IPMK: variants seen among roughly 807,000 people sequenced by gnomAD.
The protein encoded by IPMK is inositol 1,3,4,6-tetrakisphosphate 5-kinase.
IPMK carries 17 observed loss-of-function variants against 45.8 expected under a neutral mutation model. That is an observed-to-expected ratio of 0.37 (90% CI 0.25 to 0.56). IPMK has a LOEUF of 0.56. Ranked by LOEUF, IPMK falls within the 20% of genes least tolerant of loss-of-function variation. The pLI, the probability that IPMK is intolerant of heterozygous loss-of-function variation, is 0.79. For missense variants in IPMK, 399 were observed against 498.0 expected (o/e 0.80, Z 1.89); for synonymous variants, 180 against 184.3 (o/e 0.98, Z 0.19).
intron 1 of IPMK, among the ~76,000 whole-genome samples, chr10:58,243,487 G>A (rs1289484258): frequency 3.3e-5 from 5 of 152,076 alleles, no homozygotes; most frequent in East Asian, 1.9e-4. Context: ...CTCCTGCCTC[G>A]GCCTGCCGAG....
At chr10:58,228,569 T>C (rs1838456738) in intron 2 of IPMK, among the ~76,000 whole-genome samples, 1 of 152,250 alleles carries the variant, frequency 6.6e-6, no homozygotes, top group Non-Finnish European at 1.5e-5. Context: ...AGTCTCGCTC[T>C]GTCACCTACA....
intron 1 of IPMK, among the ~76,000 whole-genome samples, chr10:58,248,316 G>C (rs1032679219): frequency 6.6e-6 from 1 of 152,002 alleles, no homozygotes; most frequent in South Asian, 2.1e-4. Context: ...ATGGCAAACT[G>C]TGTTTTTTAA....
intron 2 of IPMK, among the ~76,000 whole-genome samples, chr10:58,227,839 TG>T (rs1410593996): frequency 6.6e-6 from 1 of 152,090 alleles, no homozygotes; most frequent in African/African-American, 2.4e-5. Context: ...CAAAATGGCA[TG>T]TAAGACATGT....
Position 58,192,632 on chromosome 10 carries a change from A to T in IPMK, c.*3444T>A, listed in dbSNP as rs1298119983. On this transcript the variant is annotated 3_prime_UTR_variant, in exon 6 of 6. Coordinates refer to ENST00000373935, the MANE Select transcript of IPMK (RefSeq NM_152230.5). ...GAATGCTGAAAATGGTTAGGGCCTTATCCGTTTGGTTCACAGTTGTAATAC... is the reference window on the plus strand; with the variant it reads ...GAATGCTGAAAATGGTTAGGGCCTTTTCCGTTTGGTTCACAGTTGTAATAC... The T allele has an allele frequency of 1.3e-5, 2 of 152,004 alleles. No homozygotes were observed. Among genetic ancestry groups the T allele is most frequent in the Non-Finnish European group, 2.9e-5 (2 of 67,902 alleles). The allele number at this position is 152,004 out of a possible 1,614,324, so 9.4% of individuals were successfully genotyped here.
chr10:58,251,493 G>A (rs1245156986), intron 1 of IPMK, among the ~76,000 whole-genome samples: 1 of 151,698 alleles, frequency 6.6e-6, no homozygotes, highest in Admixed American at 6.6e-5. Flanking sequence ...ATGTCTGTTG[G>A]GTCCATTTGG....
intron 3 of IPMK, among the ~76,000 whole-genome samples, chr10:58,220,701 C>T (rs1222580864): frequency 6.6e-6 from 1 of 152,130 alleles, no homozygotes; most frequent in Admixed American, 6.5e-5. Flanking sequence ...TCATACATTC[C>T]ATATATAATT....
chr10:58,195,701 A>C lies in IPMK; in HGVS notation c.*375T>G. ...TTGGTAGGTGTTCTAATAATGTAAT[A>C]TTTTAGATATGGCTCATTGTCAAGG... On this transcript the variant is annotated 3_prime_UTR_variant, in exon 6 of 6. Coordinates refer to ENST00000373935, the MANE Select transcript of IPMK (RefSeq NM_152230.5). The C allele has an allele frequency of 5.6e-6, 1 of 177,706 alleles. No homozygotes were observed. Among genetic ancestry groups the C allele is most frequent in the East Asian group, 1.6e-4 (1 of 6,296 alleles). 11.0% of individuals were successfully genotyped at this position (177,706 alleles called of 1,614,324 possible). A position where few individuals can be genotyped will look rare whatever the true frequency, so the allele number is the denominator to read the frequency against.
At chr10:58,266,059 C>T (rs1192902219) in intron 1 of IPMK, among the ~76,000 whole-genome samples, 1 of 152,148 alleles carries the variant, frequency 6.6e-6, no homozygotes, top group Non-Finnish European at 1.5e-5. Flanking sequence ...ATTCTCATTA[C>T]AAGACACTGG....
Position 58,196,575 on chromosome 10 carries a change from C to T in IPMK, c.752G>A (p.Ser251Asn), listed in dbSNP as rs1837898103. The T allele has an allele frequency of 6.2e-7, 1 of 1,613,950 alleles. No homozygotes were observed. Among genetic ancestry groups the T allele is most frequent in the African/African-American group, 1.3e-5 (1 of 74,916 alleles). Reference sequence around the variant, plus strand: ...ACCTTCATAAACAAAGAGTAATGAACTTGCGTAAAAATTAAGCTGCTTCTG... The same window carrying T: ...ACCTTCATAAACAAAGAGTAATGAATTTGCGTAAAAATTAAGCTGCTTCTG... Reference protein sequence around the residue: ...ENQKQLNFYASSLLFVYEGSS... With the variant: ...ENQKQLNFYANSLLFVYEGSS... The change falls in exon 6 of 6, where the codon AGT becomes AAT. Residue 251 changes from serine (S) to asparagine (N), a missense_variant. Transcript: ENST00000373935.
At chr10:58,217,018 T>C (rs1334410651) in intron 3 of IPMK, among the ~76,000 whole-genome samples, 1 of 152,072 alleles carries the variant, frequency 6.6e-6, no homozygotes, top group African/African-American at 2.4e-5. Flanking sequence ...CTGGCTAATT[T>C]TTATATTTTT....
intron 4 of IPMK, among the ~76,000 whole-genome samples, chr10:58,207,506 A>G (rs1838088296): frequency 6.6e-6 from 1 of 152,238 alleles, no homozygotes; most frequent in African/African-American, 2.4e-5. Flanking sequence ...CATTCCCACC[A>G]GCAGTGTAAA....
chr10:58,266,518 A>T (rs887828563), intron 1 of IPMK, among the ~76,000 whole-genome samples: 2 of 152,174 alleles, frequency 1.3e-5, no homozygotes, highest in African/African-American at 4.8e-5. Flanking sequence ...TGTCAGTATT[A>T]GCAACCTAAA....
intron 1 of IPMK, among the ~76,000 whole-genome samples, chr10:58,255,953 A>T (rs1838961285): frequency 1.3e-5 from 2 of 152,162 alleles, no homozygotes; most frequent in Admixed American, 6.5e-5. Flanking sequence ...TCCCCAATCA[A>T]TATTCTTATA....
At chr10:58,248,921 TTATC>T (rs755881063) in intron 1 of IPMK, among the ~76,000 whole-genome samples, 3 of 152,242 alleles carry the variant, frequency 2.0e-5, no homozygotes, top group South Asian at 2.1e-4. Context: ...CACATTTTCT[TTATC>T]TATTCATCTG....
chr10:58,246,928 A>G (rs1205738381), intron 1 of IPMK, among the ~76,000 whole-genome samples: 1 of 151,142 alleles, frequency 6.6e-6, no homozygotes, highest in Non-Finnish European at 1.5e-5. Context: ...TAATATCCAG[A>G]ATCCACAATG....
chr10:58,225,746 A>G (rs1443926798), intron 3 of IPMK, among the ~76,000 whole-genome samples: 1 of 152,168 alleles, frequency 6.6e-6, no homozygotes, highest in African/African-American at 2.4e-5. Context: ...AATCAGTAGC[A>G]AAGTTCATTG....
chr10:58,231,576 T>A (rs985834461), intron 2 of IPMK, among the ~76,000 whole-genome samples: 1 of 152,154 alleles, frequency 6.6e-6, no homozygotes, highest in African/African-American at 2.4e-5. Context: ...CCAGCCAAAC[T>A]AAGCTTCGTA....
chr10:58,213,596 A>G (rs1838199433), intron 4 of IPMK, among the ~76,000 whole-genome samples: 1 of 152,124 alleles, frequency 6.6e-6, no homozygotes, highest in South Asian at 2.1e-4. Context: ...CTGAGGCAGG[A>G]GAATGGCATG....
At chr10:58,201,712 C>G (rs1302194972) in intron 4 of IPMK, among the ~76,000 whole-genome samples, 1 of 152,140 alleles carries the variant, frequency 6.6e-6, no homozygotes, top group Non-Finnish European at 1.5e-5. Flanking sequence ...AAGTGATTAA[C>G]TTAGTAAGGA....
Sources: gnomAD v4.1 joint callset for allele counts (sites outside exome capture counted in the v4.1 genomes callset) on GRCh38, gnomAD v4.1.1 for gene constraint, MANE v1.5 for transcripts, NCBI Gene and HGNC (gene_info 2026-07-23, HGNC 2026-07-21) for gene names.